Variants in IWS1 observed in about 807,000 individuals in gnomAD.
IWS1 encodes the protein protein IWS1 homolog.
A neutral mutation model predicts 86.7 loss-of-function variants in IWS1; 27 were observed. The observed-to-expected ratio is 0.31, with a 90% CI of 0.23 to 0.43. The LOEUF is 0.43. Ranked by LOEUF, IWS1 falls within the 20% of genes least tolerant of loss-of-function variation. The probability of loss-of-function intolerance (pLI) is 1.00; values close to 1 mark genes in which losing one functional copy is unlikely to be tolerated. For synonymous variants in IWS1, 313 were observed against 335.1 expected (o/e 0.93, Z 0.72); for missense variants, 827 against 1,000.8 (o/e 0.83, Z 2.34).
intron 1 of IWS1, among the ~76,000 whole-genome samples, chr2:127,524,434 T>C (rs1433006777): frequency 6.6e-6 from 1 of 151,028 alleles, no homozygotes; most frequent in Non-Finnish European, 1.5e-5. Flanking sequence ...CAAGCAATCC[T>C]CCTGCCTTTG....
rs1007429337 is a variant in IWS1, at chr2:127,505,877, C to T, written c.151-125G>A. On this transcript the variant is annotated intron_variant, in intron 2 of 13. Transcript: ENST00000295321. This position sits in a 1 kb window ranked among gnomAD's most constrained non-coding sequence, Gnocchi z 5.0. ...ATTATGTGCACCTAAATGGAGAATTCTTGTCCTATACCCATATAGAAACAC... is the reference window on the plus strand; with the variant it reads ...ATTATGTGCACCTAAATGGAGAATTTTTGTCCTATACCCATATAGAAACAC... 8 of 645,558 alleles carry T rather than the reference C, an allele frequency of 1.2e-5. No homozygotes were observed. The highest frequency in any genetic ancestry group is 3.7e-5 in the African/African-American group (2 of 54,514). The allele number at this position is 645,558 out of a possible 1,614,324, so 40.0% of individuals were successfully genotyped here. A position where few individuals can be genotyped will look rare whatever the true frequency, so the allele number is the denominator to read the frequency against.
chr2:127,515,570 T>G (rs1691724202), intron 2 of IWS1, among the ~76,000 whole-genome samples: 1 of 152,196 alleles, frequency 6.6e-6, no homozygotes, highest in Non-Finnish European at 1.5e-5. Flanking sequence ...CTGACCAATC[T>G]GTAAGAGATA....
rs1690102993 is a variant in IWS1 at position 127,489,407 on chromosome 2, C to T, written c.2160-172G>A. ...TACTACTCATTTTAGTATTCATTTG[C>T]ATAACAGGTTTCCTTGTGGATGAGC... On this transcript the variant is annotated intron_variant, in intron 11 of 13. Coordinates refer to ENST00000295321, the MANE Select transcript of IWS1 (RefSeq NM_017969.3). This position sits in a 1 kb window ranked among gnomAD's most constrained non-coding sequence, Gnocchi z 4.8. The T allele has an allele frequency of 8.4e-6, 5 of 593,948 alleles. No homozygotes were observed. The highest frequency in any genetic ancestry group is 2.2e-5 in the South Asian group (1 of 44,962). 36.8% of individuals were successfully genotyped at this position (593,948 alleles called of 1,614,324 possible). A position where few individuals can be genotyped will look rare whatever the true frequency, so the allele number is the denominator to read the frequency against.
intron 2 of IWS1, among the ~76,000 whole-genome samples, chr2:127,516,972 G>C (rs539367358): frequency 4.5e-4 from 68 of 152,274 alleles, no homozygotes; most frequent in South Asian, 2.9e-3. Context: ...AGTAGGAAAA[G>C]TGTTTAGGAA....
chr2:127,501,276 A>C (rs938522299), intron 5 of IWS1, among the ~76,000 whole-genome samples: 1 of 152,012 alleles, frequency 6.6e-6, no homozygotes, highest in African/African-American at 2.4e-5. Context: ...CAGTTAGTAG[A>C]TTCTATTGTT....
chr2:127,504,558 T>A (rs1691010361), intron 3 of IWS1, 126 bp downstream of exon 3: 1 of 728,022 alleles, frequency 1.4e-6, no homozygotes, highest in Non-Finnish European at 2.3e-6. Context: ...GTCCTACTGA[T>A]ATTTTAGAAT....
chr2:127,521,009 C>T (rs1372599569), intron 2 of IWS1, among the ~76,000 whole-genome samples: 1 of 152,196 alleles, frequency 6.6e-6, no homozygotes, highest in East Asian at 1.9e-4. Flanking sequence ...CCTGTAATTC[C>T]AGCACTTTGG....
At position 127,526,243 on chromosome 2, in the gene IWS1, CCG is replaced by C. The variant is rs757617082; in HGVS notation, c.-37_-36del. 171 of 1,551,628 alleles carry C rather than the reference CCG, an allele frequency of 1.1e-4. No individual in the cohort carries two copies. In the Middle Eastern group the frequency reaches 3.2e-3, roughly 29 times the overall value. The stretch of plus-strand genomic sequence containing the variant: ...ACTCTCAGCGGGGAGTGTCCGCGCC[CCG>C]CGCCGCCCCCGTCACCTCCTTCCAG... On this transcript the variant is annotated 5_prime_UTR_variant, in exon 1 of 14. Transcript: ENST00000295321.
intron 13 of IWS1, chr2:127,486,041 T>C (rs764469463): frequency 1.9e-5 from 3 of 154,144 alleles, no homozygotes; most frequent in African/African-American, 7.2e-5. Flanking sequence ...AGGCTAGAAG[T>C]AGTAGTTTGA....
At chr2:127,517,623 T>C (rs2104734778) in intron 2 of IWS1, among the ~76,000 whole-genome samples, 1 of 152,326 alleles carries the variant, frequency 6.6e-6, no homozygotes, top group Middle Eastern at 3.4e-3. Context: ...ACTCAGCTGG[T>C]ATGAATGTAA....
Position 127,526,362 on chromosome 2 carries a change from G to T in IWS1, c.-154C>A. On this transcript the variant is annotated 5_prime_UTR_variant, in exon 1 of 14. Transcript: ENST00000295321. The stretch of plus-strand genomic sequence containing the variant: ...GTGCGGAGGGTAAGAAAGCGGTAGC[G>T]GCAAAGGCGAATTCTTTGACCTGGA... 6.5e-7 allele frequency: 1 copy of T among 1,536,924 alleles called. No individual in the cohort carries two copies. Among genetic ancestry groups the T allele is most frequent in the Non-Finnish European group, 8.7e-7 (1 of 1,146,538 alleles).
intron 3 of IWS1, among the ~76,000 whole-genome samples, chr2:127,503,994 A>G (rs1183564320): frequency 6.6e-6 from 1 of 152,228 alleles, no homozygotes; most frequent in East Asian, 1.9e-4. Context: ...ATGTTCCTCT[A>G]TCATTGCTGG....
chr2:127,491,406 C>T (rs1690218844), intron 10 of IWS1, among the ~76,000 whole-genome samples: 1 of 152,018 alleles, frequency 6.6e-6, no homozygotes, highest in South Asian at 2.1e-4. Flanking sequence ...TTTCTCCATG[C>T]TCTCGACCCA....
At chr2:127,502,792 A>G in intron 5 of IWS1, 23 bp downstream of exon 5, 1 of 1,356,812 alleles carries the variant, frequency 7.4e-7, no homozygotes. Context: ...ATCAAGGAGG[A>G]AATATTTCCA....
intron 2 of IWS1, among the ~76,000 whole-genome samples, chr2:127,513,240 C>CA (rs1691569096): frequency 6.8e-6 from 1 of 146,622 alleles, no homozygotes; most frequent in Non-Finnish European, 1.5e-5. Context: ...GACTGTGTCT[C>CA]AAAAAAAATA....
intron 2 of IWS1, among the ~76,000 whole-genome samples, chr2:127,519,324 TTA>T (rs1691957762): frequency 6.6e-6 from 1 of 151,522 alleles, no homozygotes; most frequent in Non-Finnish European, 1.5e-5. Context: ...CTGAGATTAT[TTA>T]TAGACATATA....
At position 127,526,408 on chromosome 2, in the gene IWS1, TACCCGG is replaced by T. The variant is rs1692420409; in HGVS notation, c.-206_-201del. On this transcript the variant is annotated 5_prime_UTR_variant, in exon 1 of 14. An upstream open reading frame in the 5' UTR gains an earlier in-frame stop. Coordinates refer to ENST00000295321, the MANE Select transcript of IWS1 (RefSeq NM_017969.3). ...CTGGAAGCCCCGGCGGAAAAGGCCG[TACCCGG>T]CAGGCTGGCGGGCGGGCAGGCATGC... 1 of 1,535,208 alleles carries T rather than the reference TACCCGG, an allele frequency of 6.5e-7. No individual in the cohort carries two copies. Among genetic ancestry groups the T allele is most frequent in the Admixed American group, 2.0e-5 (1 of 50,906 alleles).
intron 5 of IWS1, among the ~76,000 whole-genome samples, chr2:127,502,386 C>A (rs1486251336): frequency 6.6e-6 from 1 of 152,206 alleles, no homozygotes; most frequent in African/African-American, 2.4e-5. Flanking sequence ...TGAATTACCA[C>A]TTTAGGTTTC....
At chr2:127,502,703 A>G in intron 5 of IWS1, 112 bp downstream of exon 5, 2 of 536,434 alleles carry the variant, frequency 3.7e-6, no homozygotes. Context: ...TATCTTGAAT[A>G]CATCATAATT....
Sources: allele counts gnomAD v4.1 joint callset (sites outside exome capture counted in the v4.1 genomes callset), GRCh38; gene constraint gnomAD v4.1.1; non-coding constraint Gnocchi (gnomAD v3.1); transcripts MANE v1.5; gene names NCBI Gene and HGNC (gene_info 2026-07-23, HGNC 2026-07-21).